The following CSTPP1 variants were observed in gnomAD, a reference collection of about 807,000 sequenced individuals.
The protein encoded by CSTPP1 is UPF0705 protein C11orf49.
the CSTPP1 span, among the ~76,000 whole-genome samples, chr11:46,972,262 T>C: frequency 6.6e-6 from 1 of 152,180 alleles, no homozygotes; most frequent in Non-Finnish European, 1.5e-5. Context: ...TTCCAAATTG[T>C]CCTGGAGAGT....
the CSTPP1 span, among the ~76,000 whole-genome samples, chr11:47,001,618 T>A: frequency 3.3e-5 from 5 of 152,144 alleles, no homozygotes; most frequent in Non-Finnish European, 7.4e-5. Context: ...ACTTAAAACG[T>A]AACTCTAATG....
the CSTPP1 span, among the ~76,000 whole-genome samples, chr11:47,027,966 C>T: frequency 6.6e-6 from 1 of 150,440 alleles, no homozygotes; most frequent in African/African-American, 2.5e-5. Flanking sequence ...CTCTGTTGCC[C>T]AGGCTGGAGT....
At chr11:46,997,565 G>A in the CSTPP1 span, among the ~76,000 whole-genome samples, 1 of 152,304 alleles carries the variant, frequency 6.6e-6, no homozygotes, top group South Asian at 2.1e-4. Flanking sequence ...CTCTCAACTC[G>A]TCAAAGTCGT....
the CSTPP1 span, among the ~76,000 whole-genome samples, chr11:47,112,999 C>T: frequency 6.6e-6 from 1 of 152,158 alleles, no homozygotes; most frequent in Non-Finnish European, 1.5e-5. Context: ...ACTCCCCCAA[C>T]CCCACGACAG....
At chr11:47,088,425 A>G in the CSTPP1 span, among the ~76,000 whole-genome samples, 1 of 152,240 alleles carries the variant, frequency 6.6e-6, no homozygotes, top group African/African-American at 2.4e-5. Flanking sequence ...AAACACAGAA[A>G]AAGAAGTACC....
the CSTPP1 span, among the ~76,000 whole-genome samples, chr11:47,134,932 G>A: frequency 6.6e-6 from 1 of 152,076 alleles, no homozygotes; most frequent in Non-Finnish European, 1.5e-5. Flanking sequence ...GACGGCACGA[G>A]ACCCCGTCTC....
the CSTPP1 span, among the ~76,000 whole-genome samples, chr11:47,046,713 C>T: frequency 8.5e-6 from 1 of 118,188 alleles, no homozygotes; most frequent in Non-Finnish European, 1.6e-5. Flanking sequence ...GCCACCCAGG[C>T]TGGAGTGCAG....
At chr11:47,033,520 C>T in the CSTPP1 span, among the ~76,000 whole-genome samples, 2 of 152,174 alleles carry the variant, frequency 1.3e-5, no homozygotes, top group African/African-American at 4.8e-5. Context: ...TGTCTGTTAG[C>T]TCTTGAATTT....
the CSTPP1 span, among the ~76,000 whole-genome samples, chr11:47,098,494 T>C: frequency 6.7e-6 from 1 of 149,920 alleles, no homozygotes; most frequent in Non-Finnish European, 1.5e-5. Flanking sequence ...AAGAAATGAT[T>C]GTTTTCTTTT....
the CSTPP1 span, among the ~76,000 whole-genome samples, chr11:47,158,771 G>A: frequency 1.3e-5 from 2 of 152,136 alleles, no homozygotes; most frequent in Non-Finnish European, 2.9e-5. Flanking sequence ...CTGGGCTCAA[G>A]GGATCCCCTC....
the CSTPP1 span, among the ~76,000 whole-genome samples, chr11:47,122,410 C>T: frequency 3.3e-5 from 5 of 151,648 alleles, no homozygotes; most frequent in African/African-American, 7.3e-5. Flanking sequence ...CCACTGAGAA[C>T]GAGGGACATG....
At chr11:47,082,498 A>G in the CSTPP1 span, among the ~76,000 whole-genome samples, 1 of 149,280 alleles carries the variant, frequency 6.7e-6, no homozygotes, top group African/African-American at 2.5e-5. Flanking sequence ...AACAGAGTTT[A>G]TAGTAAAGGA....
the CSTPP1 span, among the ~76,000 whole-genome samples, chr11:47,095,785 T>C: frequency 6.6e-6 from 1 of 152,212 alleles, no homozygotes; most frequent in Non-Finnish European, 1.5e-5. Flanking sequence ...AGTAATGTCC[T>C]GGAGAAACAG....
chr11:47,111,136 T>C, the CSTPP1 span, among the ~76,000 whole-genome samples: 1 of 152,140 alleles, frequency 6.6e-6, no homozygotes, highest in African/African-American at 2.4e-5. Flanking sequence ...TCGTGATCTG[T>C]CCGCCTCGGC....
the CSTPP1 span, among the ~76,000 whole-genome samples, chr11:47,010,085 G>A: frequency 6.6e-5 from 10 of 152,192 alleles, no homozygotes; most frequent in South Asian, 1.9e-3. Context: ...TTATTTATAC[G>A]GTCAGGAAAG....
the CSTPP1 span, among the ~76,000 whole-genome samples, chr11:47,046,791 G>A: frequency 5.2e-4 from 76 of 145,730 alleles, no homozygotes; most frequent in African/African-American, 1.8e-3. Flanking sequence ...TCAGAATCCT[G>A]AGTAGCTGGG....
the CSTPP1 span, chr11:47,155,396 G>C: frequency 6.2e-6 from 5 of 805,032 alleles, no homozygotes; most frequent in Non-Finnish European, 1.1e-5. Context: ...TTCACTGCGG[G>C]TCGCTAACAG....
chr11:47,047,381 A>C, the CSTPP1 span, among the ~76,000 whole-genome samples: 2 of 151,772 alleles, frequency 1.3e-5, 1 homozygote, highest in South Asian at 4.2e-4. Context: ...TGGTCCTGGC[A>C]TAAGGACAAA....
the CSTPP1 span, among the ~76,000 whole-genome samples, chr11:47,008,691 C>T: frequency 3.9e-5 from 6 of 151,906 alleles, no homozygotes; most frequent in Non-Finnish European, 1.5e-5. Flanking sequence ...GTTAATTCTG[C>T]TATGCTTATA....
Sources: allele counts gnomAD v4.1 joint callset (sites outside exome capture counted in the v4.1 genomes callset), GRCh38; gene constraint gnomAD v4.1.1; transcripts MANE v1.5; gene names NCBI Gene and HGNC (gene_info 2026-07-23, HGNC 2026-07-21).